The following TSPAN18 variants were observed in gnomAD, a reference collection of about 807,000 sequenced individuals.
TSPAN18 encodes tetraspanin 18, also known as tetraspanin-18.
Under a neutral mutation model 27.3 loss-of-function variants are expected in TSPAN18, and 14 were observed. The ratio of observed to expected loss-of-function variants is 0.51; its 90% CI spans 0.34 to 0.80. The LOEUF (loss-of-function observed/expected upper bound fraction) is 0.80. Among genes scored for constraint, TSPAN18 ranks in the 30% least tolerant of loss-of-function variants. The probability of loss-of-function intolerance (pLI) is 0.01; values close to 1 mark genes in which losing one functional copy is unlikely to be tolerated. For synonymous variants in TSPAN18, 143 were observed against 136.5 expected (o/e 1.05, Z -0.33); for missense variants, 268 against 323.9 (o/e 0.83, Z 1.32).
chr11:44,750,236 C>T (rs1262620613), intron 1 of TSPAN18, among the ~76,000 whole-genome samples: 2 of 152,178 alleles, frequency 1.3e-5, no homozygotes, highest in Non-Finnish European at 2.9e-5. Flanking sequence ...GGCCATCGAT[C>T]TTAATTAATC....
chr11:44,873,823 C>T (rs114540510), intron 3 of TSPAN18, among the ~76,000 whole-genome samples: 1,929 of 152,298 alleles, frequency 0.013, 33 homozygotes, highest in African/African-American at 0.044. Flanking sequence ...GAGCATGGGG[C>T]AGAGCCCAGA....
chr11:44,808,000 C>A (rs1200163569), intron 2 of TSPAN18, among the ~76,000 whole-genome samples: 1 of 152,082 alleles, frequency 6.6e-6, no homozygotes, highest in Non-Finnish European at 1.5e-5. Context: ...GAATGTGGGA[C>A]CCTGGGGTGC....
At position 44,926,474 on chromosome 11, in the gene TSPAN18, G is replaced by C. The variant is rs541671046; in HGVS notation, c.616-200G>C. The stretch of plus-strand genomic sequence containing the variant: ...CACCTTAGGGGCCGGGTGGCAAAGA[G>C]GGTCTTTGGTGCAATGCTGCCAAGT... On this transcript the variant is annotated intron_variant, in intron 8 of 9. Coordinates refer to ENST00000520358, the MANE Select transcript of TSPAN18 (RefSeq NM_130783.5). The C allele has an allele frequency of 4.6e-4, 268 of 582,942 alleles. 1 individual carries two copies. The African/African-American group carries it at 4.8e-3, about 10-fold the overall frequency. 36.1% of individuals were successfully genotyped at this position (582,942 alleles called of 1,614,324 possible). A position where few individuals can be genotyped will look rare whatever the true frequency, so the allele number is the denominator to read the frequency against.
chr11:44,804,306 C>T (rs900441932), intron 2 of TSPAN18, among the ~76,000 whole-genome samples: 3 of 152,140 alleles, frequency 2.0e-5, no homozygotes, highest in Non-Finnish European at 2.9e-5. Context: ...TTGGCCAGGC[C>T]GGTCTCGAAC....
intron 2 of TSPAN18, among the ~76,000 whole-genome samples, chr11:44,833,935 G>A (rs1175891328): frequency 6.6e-6 from 1 of 151,806 alleles, no homozygotes. Flanking sequence ...CCTGCCCAAA[G>A]AGAGCCTGCT....
At chr11:44,906,284 C>A in intron 3 of TSPAN18, 123 bp from the exon 4 acceptor site, 1 of 855,550 alleles carries the variant, frequency 1.2e-6, no homozygotes, top group Non-Finnish European at 2.0e-6. Flanking sequence ...CTATCATCGG[C>A]CTCCATCTTC....
intron 2 of TSPAN18, among the ~76,000 whole-genome samples, chr11:44,799,850 A>G (rs1043547931): frequency 7.3e-4 from 111 of 152,116 alleles, no homozygotes; most frequent in Non-Finnish European, 3.8e-4. Context: ...TTATTTATTG[A>G]GACGGAGTCT....
chr11:44,757,919 C>T (rs1172923504), intron 1 of TSPAN18, among the ~76,000 whole-genome samples: 1 of 152,160 alleles, frequency 6.6e-6, no homozygotes, highest in Non-Finnish European at 1.5e-5. Flanking sequence ...CCATGGGTTG[C>T]ATTTTTGCTC....
chr11:44,903,493 A>G (rs550738821), intron 3 of TSPAN18: 1 of 456,536 alleles, frequency 2.2e-6, no homozygotes, highest in Admixed American at 2.3e-5. Flanking sequence ...TTCCAGCAAG[A>G]GAGGGCTGTG....
At position 44,906,389 on chromosome 11, in the gene TSPAN18, G is replaced by A. The variant is rs199988244; in HGVS notation, c.-10-18G>A. ...GGGGTCCCCCATCGGGAAGACTGAG[G>A]TGGCCTTGTATTTCTAGGTGGAGCA... On this transcript the variant is annotated intron_variant, in intron 3 of 9. Coordinates refer to ENST00000520358, the MANE Select transcript of TSPAN18 (RefSeq NM_130783.5). The A allele has an allele frequency of 5.0e-6, 8 of 1,613,916 alleles. No individual in the cohort carries two copies. Among genetic ancestry groups the A allele is most frequent in the Admixed American group, 3.3e-5 (2 of 60,036 alleles).
intron 2 of TSPAN18, among the ~76,000 whole-genome samples, chr11:44,839,482 AG>A (rs1351753077): frequency 6.6e-6 from 1 of 152,110 alleles, no homozygotes; most frequent in African/African-American, 2.4e-5. Flanking sequence ...AAGGAAAGAA[AG>A]TATATCCTCC....
At chr11:44,926,161 A>G (rs141408113) in intron 8 of TSPAN18, among the ~76,000 whole-genome samples, 1 of 152,282 alleles carries the variant, frequency 6.6e-6, no homozygotes, top group East Asian at 1.9e-4. Context: ...CCGAAAACCA[A>G]AACACCTTCT....
chr11:44,872,720 T>G (rs776009385), intron 3 of TSPAN18, among the ~76,000 whole-genome samples: 6 of 152,240 alleles, frequency 3.9e-5, no homozygotes, highest in Non-Finnish European at 8.8e-5. Context: ...AGTATCCTTA[T>G]TATACAAAAG....
chr11:44,798,405 G>A (rs1394898452), intron 2 of TSPAN18, among the ~76,000 whole-genome samples: 4 of 152,160 alleles, frequency 2.6e-5, no homozygotes, highest in African/African-American at 7.2e-5. Context: ...GGATTAAGTC[G>A]CTTGTCCAAG....
chr11:44,782,559 AAAAG>A (rs910532196), intron 2 of TSPAN18, among the ~76,000 whole-genome samples: 6 of 151,712 alleles, frequency 4.0e-5, no homozygotes, highest in East Asian at 1.9e-4. Context: ...AAAAAAAAAA[AAAAG>A]AAAGAAAAGA....
At chr11:44,910,252 T>C (rs10838386) in intron 5 of TSPAN18, among the ~76,000 whole-genome samples, 83,913 of 152,144 alleles carry the variant, frequency 0.55, 23,598 homozygotes, top group East Asian at 0.83. Context: ...TCCCACTTCA[T>C]TTTGCTGCTT....
intron 1 of TSPAN18, among the ~76,000 whole-genome samples, chr11:44,759,026 G>A (rs577529834): frequency 1.2e-3 from 188 of 152,294 alleles, no homozygotes; most frequent in African/African-American, 4.3e-3. Context: ...ACCCTTTACC[G>A]ATTTTATAGT....
chr11:44,825,025 G>A (rs1325784160), intron 2 of TSPAN18, among the ~76,000 whole-genome samples: 1 of 152,114 alleles, frequency 6.6e-6, no homozygotes, highest in African/African-American at 2.4e-5. Flanking sequence ...AACAATAGGG[G>A]CATGAAGCTG....
intron 2 of TSPAN18, among the ~76,000 whole-genome samples, chr11:44,852,954 A>T (rs1857640921): frequency 6.6e-6 from 1 of 152,208 alleles, no homozygotes; most frequent in Admixed American, 6.5e-5. Context: ...AATATCTACC[A>T]AAACGTCCAT....
Sources: gnomAD v4.1 joint callset for allele counts (sites outside exome capture counted in the v4.1 genomes callset) on GRCh38, gnomAD v4.1.1 for gene constraint, MANE v1.5 for transcripts, NCBI Gene and HGNC (gene_info 2026-07-23, HGNC 2026-07-21) for gene names.